The following GNB4 variants were observed in gnomAD, a reference collection of about 807,000 sequenced individuals.
GNB4 encodes the protein guanine nucleotide-binding protein subunit beta-4.
In GNB4, 28 loss-of-function variants were observed where a neutral mutation model predicts 45.2. The ratio of observed to expected loss-of-function variants is 0.62; its 90% CI spans 0.46 to 0.85. GNB4 has a LOEUF of 0.85. GNB4 is among the 40% of genes least tolerant of loss of function. The pLI is 0.00. For synonymous variants in GNB4, 132 were observed against 143.7 expected, an observed-to-expected ratio of 0.92 and a Z score of 0.58; for missense variants, 321 against 425.4, an observed-to-expected ratio of 0.75 and a Z score of 2.16.
Position 179,414,878 on chromosome 3 carries a change from A to C in GNB4, c.430+7T>G, listed in dbSNP as rs758969360. Reference sequence around the variant, plus strand: ...TGTGGTGGGAAAGAATATTTAGGGAAGCTCACCTGTGTGACCTGGCAACTC... The same window carrying C: ...TGTGGTGGGAAAGAATATTTAGGGACGCTCACCTGTGTGACCTGGCAACTC... On this transcript the variant is annotated splice_region_variant and intron_variant, in intron 6 of 9. Transcript: ENST00000232564. 55 of 1,567,270 alleles carry C rather than the reference A, an allele frequency of 3.5e-5. No homozygotes were observed. Among genetic ancestry groups the C allele is most frequent in the Non-Finnish European group, 1.5e-5 (17 of 1,146,996 alleles).
the GNB4 span, among the ~76,000 whole-genome samples, chr3:179,504,651 C>T: frequency 6.6e-6 from 1 of 152,246 alleles, no homozygotes; most frequent in African/African-American, 2.4e-5. Context: ...CCAGATAAGA[C>T]TAAAGATAAG....
the GNB4 span, among the ~76,000 whole-genome samples, chr3:179,482,383 C>T: frequency 2.6e-5 from 4 of 152,124 alleles, no homozygotes; most frequent in African/African-American, 9.7e-5. Context: ...AGGGTGGGTT[C>T]TCTCTTGAGT....
chr3:179,498,499 C>T, the GNB4 span, among the ~76,000 whole-genome samples: 32 of 152,096 alleles, frequency 2.1e-4, no homozygotes, highest in African/African-American at 7.0e-4. Context: ...TGCAGTGGCG[C>T]GATCTCGGCT....
At chr3:179,509,437 T>C in the GNB4 span, among the ~76,000 whole-genome samples, 2 of 152,164 alleles carry the variant, frequency 1.3e-5, no homozygotes, top group Admixed American at 6.5e-5. Flanking sequence ...AGCCAAATTA[T>C]AAGCAGAAGT....
the GNB4 span, among the ~76,000 whole-genome samples, chr3:179,508,036 C>T: frequency 6.6e-5 from 10 of 152,080 alleles, no homozygotes; most frequent in Non-Finnish European, 8.8e-5. Flanking sequence ...AGAACAGAAA[C>T]GGAAGTTTGG....
chr3:179,508,956 A>G, the GNB4 span, among the ~76,000 whole-genome samples: 14 of 145,360 alleles, frequency 9.6e-5, no homozygotes, highest in African/African-American at 3.1e-4. Context: ...ATATATATAT[A>G]GTCCCTGTAA....
At chr3:179,489,019 A>AATATATATATATATATATATATAT in the GNB4 span, among the ~76,000 whole-genome samples, 1 of 21,382 alleles carries the variant, frequency 4.7e-5, no homozygotes, top group Non-Finnish European at 7.7e-5. Context: ...AAAAAAAAAA[A>AATATATATATATATATATATATAT]ATATATATAT....
the GNB4 span, among the ~76,000 whole-genome samples, chr3:179,525,790 G>A: frequency 7.9e-5 from 12 of 152,182 alleles, no homozygotes; most frequent in Non-Finnish European, 1.8e-4. Context: ...GAGAGAGGCT[G>A]GAGAAGAGAG....
the GNB4 span, among the ~76,000 whole-genome samples, chr3:179,522,500 G>C: frequency 7.0e-6 from 1 of 143,712 alleles, no homozygotes; most frequent in African/African-American, 3.0e-5. Flanking sequence ...CATATTTACA[G>C]TCAGTATAAA....
At chr3:179,484,993 T>C in the GNB4 span, among the ~76,000 whole-genome samples, 1 of 141,858 alleles carries the variant, frequency 7.0e-6, no homozygotes, top group Non-Finnish European at 1.5e-5. Flanking sequence ...TCATGGCAAC[T>C]TTTTTCGTTT....
Position 179,405,289 on chromosome 3 carries a change from T to C in GNB4, c.817A>G (p.Ile273Val). The C allele has an allele frequency of 2.5e-6, 4 of 1,614,176 alleles. No individual in the cohort carries two copies. Among genetic ancestry groups the C allele is most frequent in the Non-Finnish European group, 3.4e-6 (4 of 1,180,004 alleles). ...LYSHDNIICG[I>V]TSVAFSKSGR... ...CTTTTTGAGAAGGCTACAGAAGTGA[T>C]TCCACAGATGATATTGTCATGAGAA... The change falls in exon 9 of 10, where the codon ATC becomes GTC. Residue 273 changes from isoleucine to valine, a missense_variant. Transcript: ENST00000232564.
At chr3:179,426,355 T>TA (rs1715147673) in intron 1 of GNB4, 113 bp from the exon 2 acceptor site, 2 of 565,532 alleles carry the variant, frequency 3.5e-6, no homozygotes, top group Non-Finnish European at 6.1e-6. Context: ...TCAATGGAGG[T>TA]AGTCAATTAT....
chr3:179,500,254 T>C, the GNB4 span, among the ~76,000 whole-genome samples: 1 of 152,218 alleles, frequency 6.6e-6, no homozygotes, highest in Non-Finnish European at 1.5e-5. Flanking sequence ...TGAGTTAATT[T>C]TTGTATAAGG....
chr3:179,521,654 C>T, the GNB4 span, among the ~76,000 whole-genome samples: 6 of 152,290 alleles, frequency 3.9e-5, no homozygotes, highest in East Asian at 1.9e-4. Context: ...ATCCCCAAAC[C>T]GTCACTCCTA....
chr3:179,439,227 A>G (rs1349451133), intron 1 of GNB4, among the ~76,000 whole-genome samples: 1 of 152,206 alleles, frequency 6.6e-6, no homozygotes, highest in African/African-American at 2.4e-5. Context: ...ACATCGTGTG[A>G]TTGGAGGAAA....
At position 179,447,518 on chromosome 3, in the gene GNB4, C is replaced by T. The variant is rs191712712; in HGVS notation, c.-43+3828G>A. On this transcript the variant is annotated intron_variant, in intron 1 of 9. Coordinates refer to ENST00000232564, the MANE Select transcript of GNB4 (RefSeq NM_021629.4). The stretch of plus-strand genomic sequence containing the variant: ...TATGCACCACCACGCCTGGCTAAAA[C>T]GTTTTTATTTTATCTAACAATAATG... 3.9e-5 allele frequency among the ~76,000 whole-genome samples: 6 copies of T among 151,980 alleles called. 1 individual carries two copies. The highest frequency in any genetic ancestry group is 6.8e-3 in the Middle Eastern group (2 of 294).
chr3:179,460,331 T>G, the GNB4 span, among the ~76,000 whole-genome samples: 2 of 152,240 alleles, frequency 1.3e-5, no homozygotes, highest in African/African-American at 4.8e-5. Flanking sequence ...TATAAAATCT[T>G]ATTTATAATC....
intron 8 of GNB4, 98 bp from the exon 9 acceptor site, chr3:179,405,504 G>A (rs1714443186): frequency 1.2e-6 from 1 of 825,636 alleles, no homozygotes; most frequent in African/African-American, 1.7e-5. Flanking sequence ...TTCCAACTTG[G>A]CTACCTACCA....
chr3:179,416,504 T>G lies in GNB4; in HGVS notation c.256A>C (p.Thr86Pro). 2.5e-6 allele frequency: 4 copies of G among 1,576,754 alleles called. No individual in the cohort carries two copies. Among genetic ancestry groups the G allele is most frequent in the Non-Finnish European group, 3.5e-6 (4 of 1,152,028 alleles). ...DGKLIIWDSY[T>P]TNKMHAIPLR... ...TGAAGAAATTCTACCTTATTTGTTG[T>G]ATAGCTATCCCAAATAATTAATTTT... Residue 86 changes from threonine (T) to proline (P), a missense_variant, in exon 5 of 10, where the codon ACA becomes CCA. Transcript: ENST00000232564.
Sources: allele counts gnomAD v4.1 joint callset (sites outside exome capture counted in the v4.1 genomes callset), GRCh38; gene constraint gnomAD v4.1.1; transcripts MANE v1.5; gene names NCBI Gene and HGNC (gene_info 2026-07-23, HGNC 2026-07-21).